The following DSCAML1 variants were observed in gnomAD, a reference collection of about 807,000 sequenced individuals.
The protein encoded by DSCAML1 is DS cell adhesion molecule like 1, also known as cell adhesion molecule DSCAML1.
Under a neutral mutation model 200.5 loss-of-function variants are expected in DSCAML1, and 38 were observed. That is an observed-to-expected ratio of 0.19 (90% confidence interval 0.15 to 0.25). DSCAML1 has a LOEUF of 0.25. Among genes scored for constraint, DSCAML1 ranks in the 10% least tolerant of loss-of-function variants. DSCAML1 has a pLI of 1.00. For synonymous variants in DSCAML1, 1,215 were observed against 1,165.0 expected, an observed-to-expected ratio of 1.04 and a Z score of -0.87; for missense variants, 2,223 against 2,858.8, an observed-to-expected ratio of 0.78 and a Z score of 5.07.
At chr11:117,577,444 CCTTCCTTCCTTCCTTT>C (rs2050954626) in intron 3 of DSCAML1, among the ~76,000 whole-genome samples, 1 of 64,552 alleles carries the variant, frequency 1.5e-5, no homozygotes. Context: ...TTCTTTCCTT[CCTTCCTTCCTTCCTTT>C]CCTTCCTTCC....
intron 3 of DSCAML1, among the ~76,000 whole-genome samples, chr11:117,772,588 C>A (rs1316685074): frequency 6.6e-6 from 1 of 152,160 alleles, no homozygotes; most frequent in African/African-American, 2.4e-5. Context: ...TGGGGAAGAG[C>A]ATGCTGGGAG....
At chr11:117,669,809 C>T (rs769489127) in intron 3 of DSCAML1, among the ~76,000 whole-genome samples, 48 of 152,318 alleles carry the variant, frequency 3.2e-4, no homozygotes, top group African/African-American at 1.1e-3. Context: ...GGGGCAGGGG[C>T]GGATGGAACA....
chr11:117,600,208 G>C (rs1024719912), intron 3 of DSCAML1, among the ~76,000 whole-genome samples: 1 of 152,196 alleles, frequency 6.6e-6, no homozygotes, highest in Admixed American at 6.5e-5. Context: ...TTCCGTTGCC[G>C]GCGGGAGTTC....
At chr11:117,726,899 C>G (rs912194169) in intron 3 of DSCAML1, among the ~76,000 whole-genome samples, 8 of 151,958 alleles carry the variant, frequency 5.3e-5, no homozygotes, top group South Asian at 2.1e-4. Flanking sequence ...GGGTAGCAGC[C>G]AAAGCAACAG....
chr11:117,620,464 C>T (rs1258612148), intron 3 of DSCAML1, among the ~76,000 whole-genome samples: 2 of 152,204 alleles, frequency 1.3e-5, no homozygotes, highest in Admixed American at 6.5e-5. Flanking sequence ...AGCCAACCAA[C>T]TGCTCCACTT....
intron 3 of DSCAML1, among the ~76,000 whole-genome samples, chr11:117,719,369 G>A (rs577558344): frequency 5.3e-5 from 8 of 152,326 alleles, no homozygotes; most frequent in East Asian, 1.9e-4. Flanking sequence ...ACTTGAACCC[G>A]GGCGGCGAAG....
chr11:117,765,437 G>A lies in DSCAML1; in HGVS notation c.511+11354C>T, dbSNP rs188928235. 5.1e-3 allele frequency among the ~76,000 whole-genome samples: 773 copies of A among 152,260 alleles called. 4 individuals carry two copies. Among genetic ancestry groups the A allele is most frequent in the Non-Finnish European group, 8.3e-3 (567 of 68,030 alleles). On this transcript the variant is annotated intron_variant, in intron 3 of 32. Coordinates refer to ENST00000651296, the MANE Select transcript of DSCAML1 (RefSeq NM_020693.4). ...TGGATCCTCCCCATCTAGCCCTCAG[G>A]CCTTTAGCCCTGAAGGTCCCATGAG...
intron 3 of DSCAML1, among the ~76,000 whole-genome samples, chr11:117,728,469 C>G (rs1272208702): frequency 6.6e-6 from 1 of 152,056 alleles, no homozygotes; most frequent in African/African-American, 2.4e-5. Context: ...TAAAAGGTAT[C>G]CAGATTGAAA....
intron 19 of DSCAML1, among the ~76,000 whole-genome samples, chr11:117,457,142 G>A (rs1165306786): frequency 1.3e-5 from 2 of 152,246 alleles, no homozygotes; most frequent in African/African-American, 4.8e-5. Context: ...TGAATGCCAG[G>A]CTGGGGGCAT....
intron 1 of DSCAML1, among the ~76,000 whole-genome samples, chr11:117,805,569 T>G (rs914703713): frequency 1.3e-4 from 20 of 152,226 alleles, no homozygotes; most frequent in Non-Finnish European, 2.4e-4. Flanking sequence ...ACTGCAGGCT[T>G]TAACACGCTG....
intron 3 of DSCAML1, among the ~76,000 whole-genome samples, chr11:117,739,998 T>C (rs149093135): frequency 2.6e-5 from 4 of 152,314 alleles, no homozygotes; most frequent in African/African-American, 9.6e-5. Context: ...TCAGGGGCTG[T>C]GACGTGTGCA....
chr11:117,516,699 G>A lies in DSCAML1; in HGVS notation c.1551C>T (p.Val517=), dbSNP rs776628752. Residue 517 remains valine, a synonymous_variant, in exon 8 of 33, where the codon GTC becomes GTT. Transcript: ENST00000651296. The surrounding 1 kb of genome is among the most constrained non-coding windows in gnomAD (Gnocchi z 5.7). Reference sequence around the variant, plus strand: ...AGTTGATAAGGGTGTCCCGCCCGGCGACTGCTGTGATGTTCCGCATAGCCC... The same window carrying A: ...AGTTGATAAGGGTGTCCCGCCCGGCAACTGCTGTGATGTTCCGCATAGCCC... ...SIRAMRNITA[V]AGRDTLINCR... is the part of the protein sequence containing the mutation. 1.9e-5 allele frequency: 31 copies of A among 1,613,872 alleles called. No individual in the cohort carries two copies. The highest frequency in any genetic ancestry group is 2.5e-5 in the Non-Finnish European group (29 of 1,179,990).
chr11:117,697,733 C>G (rs2053607805), intron 3 of DSCAML1, among the ~76,000 whole-genome samples: 1 of 151,544 alleles, frequency 6.6e-6, no homozygotes, highest in Non-Finnish European at 1.5e-5. Flanking sequence ...AGCATAATGT[C>G]CTCAAGTTTT....
chr11:117,511,830 C>T (rs1158531429), intron 8 of DSCAML1, among the ~76,000 whole-genome samples: 2 of 152,236 alleles, frequency 1.3e-5, no homozygotes, highest in South Asian at 2.1e-4. Context: ...TGCATGTTTA[C>T]GTATGTGTGC....
intron 3 of DSCAML1, among the ~76,000 whole-genome samples, chr11:117,572,707 A>C (rs1591280127): frequency 1.3e-5 from 2 of 152,308 alleles, no homozygotes; most frequent in Admixed American, 1.3e-4. Flanking sequence ...GGTTCCCGCA[A>C]ATCAGTTGAG....
At chr11:117,448,146 G>A (rs2048216685) in intron 20 of DSCAML1, among the ~76,000 whole-genome samples, 1 of 152,228 alleles carries the variant, frequency 6.6e-6, no homozygotes, top group African/African-American at 2.4e-5. Flanking sequence ...CTCTGTTCCG[G>A]AGCCCGGGAG....
At chr11:117,794,145 A>G (rs2055530016) in intron 1 of DSCAML1, among the ~76,000 whole-genome samples, 1 of 151,306 alleles carries the variant, frequency 6.6e-6, no homozygotes. Flanking sequence ...ATGAGTCCCC[A>G]TCGGAGAAGT....
chr11:117,605,038 C>T (rs957506714), intron 3 of DSCAML1, among the ~76,000 whole-genome samples: 3 of 152,120 alleles, frequency 2.0e-5, no homozygotes, highest in African/African-American at 7.2e-5. Context: ...TTCTACCCTG[C>T]CTCTCCCTGC....
At chr11:117,638,283 A>G (rs1160834792) in intron 3 of DSCAML1, among the ~76,000 whole-genome samples, 1 of 151,558 alleles carries the variant, frequency 6.6e-6, no homozygotes, top group Non-Finnish European at 1.5e-5. Flanking sequence ...AAACTAGGAC[A>G]GCTGGTCATC....
Sources: allele counts gnomAD v4.1 joint callset (sites outside exome capture counted in the v4.1 genomes callset), GRCh38; gene constraint gnomAD v4.1.1; non-coding constraint Gnocchi (gnomAD v3.1); transcripts MANE v1.5; gene names NCBI Gene and HGNC (gene_info 2026-07-23, HGNC 2026-07-21).